TSLP: variants seen among roughly 807,000 people sequenced by gnomAD.
TSLP encodes thymic stroma-derived lymphopoietin.
In TSLP, 12 loss-of-function variants were observed where a neutral mutation model predicts 12.4. The observed-to-expected ratio is 0.97, with a 90% confidence interval of 0.62 to 1.57. The LOEUF (loss-of-function observed/expected upper bound fraction) is 1.57. Ranked by LOEUF, TSLP falls within the 40% of genes most tolerant of loss-of-function variation. The pLI, the probability that TSLP is intolerant of heterozygous loss-of-function variation, is 0.00. For missense variants in TSLP, 222 were observed against 189.6 expected, an observed-to-expected ratio of 1.17 and a Z score of -1.00; for synonymous variants, 97 against 69.5, an observed-to-expected ratio of 1.40 and a Z score of -1.97.
Position 111,071,939 on chromosome 5 carries a change from ATCT to A in TSLP, c.52_54del (p.Phe18del). The A allele has an allele frequency of 2.5e-6, 4 of 1,614,192 alleles. No individual in the cohort carries two copies. Among genetic ancestry groups the A allele is most frequent in the Non-Finnish European group, 3.4e-6 (4 of 1,180,032 alleles). On this transcript the variant is annotated inframe_deletion, in exon 1 of 4. Transcript: ENST00000344895. The stretch of plus-strand genomic sequence containing the variant: ...TGTTCTGTCAGTTTCTTTCAGGAAA[ATCT>A]TCATCTTACAACTTGTAGGGCTGGT...
In TSLP at chr5:111,076,162, A is replaced by G; in HGVS notation, c.*88A>G. 1 of 1,422,456 alleles carries G rather than the reference A, an allele frequency of 7.0e-7. No homozygotes were observed. Among genetic ancestry groups the G allele is most frequent in the African/African-American group, 1.4e-5 (1 of 69,544 alleles). 88.1% of individuals were successfully genotyped at this position (1,422,456 alleles called of 1,614,324 possible). On this transcript the variant is annotated 3_prime_UTR_variant, in exon 4 of 4. Transcript: ENST00000344895. The stretch of plus-strand genomic sequence containing the variant: ...AACATTAACTCTAACTGTGACAAAG[A>G]AGACCACAAATAGTTATCTTTTAAT...
upstream of TSLP, chr5:111,071,528 T>G: frequency 6.5e-7 from 1 of 1,548,252 alleles, no homozygotes; most frequent in Non-Finnish European, 8.7e-7. Flanking sequence ...GTGAGGGAAA[T>G]TCCTGATGAC....
intron 2 of TSLP, chr5:111,073,272 C>G: frequency 7.1e-7 from 1 of 1,412,280 alleles, no homozygotes; most frequent in African/African-American, 1.4e-5. Flanking sequence ...TTGGGAGGAG[C>G]GAGCGTGGGT....
intron 2 of TSLP, 39 bp from the exon 3 acceptor site, chr5:111,073,472 T>C (rs781547752): frequency 6.2e-7 from 1 of 1,613,110 alleles, no homozygotes; most frequent in South Asian, 1.1e-5. Flanking sequence ...CTCTCTGGTG[T>C]TTTCTCCTTT....
In TSLP at chr5:111,078,022, T is replaced by A. The variant is rs1419724780; in HGVS notation, c.*1948T>A. 3 of 152,600 alleles carry A rather than the reference T, an allele frequency of 2.0e-5. No individual in the cohort carries two copies. Among genetic ancestry groups the A allele is most frequent in the African/African-American group, 7.2e-5 (3 of 41,434 alleles). 9.5% of individuals were successfully genotyped at this position (152,600 alleles called of 1,614,324 possible). ...GGTCAATAAAAAGGAAGTTGCAAAT[T>A]GTGATTTAAGCATATAAAGTTGGTT... On this transcript the variant is annotated 3_prime_UTR_variant, in exon 4 of 4. Coordinates refer to ENST00000344895, the MANE Select transcript of TSLP (RefSeq NM_033035.5).
chr5:111,073,136 T>C (rs1752387812), intron 2 of TSLP, among the ~76,000 whole-genome samples: 1 of 152,114 alleles, frequency 6.6e-6, no homozygotes, highest in Non-Finnish European at 1.5e-5. Flanking sequence ...GGAGAGGAAG[T>C]CTCTATCCGG....
At chr5:111,071,667 C>T (rs1190735224), upstream of TSLP, 8 of 1,366,226 alleles carry the variant, frequency 5.9e-6, no homozygotes, top group Non-Finnish European at 7.8e-6. Context: ...GAAAAGAGCC[C>T]GTAGGCGTTT....
At position 111,071,776 on chromosome 5, in the gene TSLP, TGA is replaced by T; in HGVS notation, c.-111_-110del. 1.5e-6 allele frequency: 2 copies of T among 1,375,500 alleles called. No individual in the cohort carries two copies. The highest frequency in any genetic ancestry group is 2.0e-6 in the Non-Finnish European group (2 of 1,000,626). 85.2% of individuals were successfully genotyped at this position (1,375,500 alleles called of 1,614,324 possible). A position where few individuals can be genotyped will look rare whatever the true frequency, so the allele number is the denominator to read the frequency against. ...ATAAGGGCTTCCTGTGGACTGGCAA[TGA>T]GAGGCAAAACCTGGTGCTTGAGCAC... On this transcript the variant is annotated 5_prime_UTR_variant, in exon 1 of 4. It removes the in-frame stop codon of an upstream open reading frame in the 5' UTR. Coordinates refer to ENST00000344895, the MANE Select transcript of TSLP (RefSeq NM_033035.5).
chr5:111,070,409 C>G (rs1284325056), upstream of TSLP: 1 of 126,356 alleles, frequency 7.9e-6, no homozygotes, highest in Admixed American at 7.6e-5. Flanking sequence ...CACGCGAGGG[C>G]GGGGGGCGGG....
intron 2 of TSLP, chr5:111,073,225 G>T: frequency 7.5e-7 from 1 of 1,326,696 alleles, no homozygotes. Context: ...CTCCGCGCTC[G>T]GGCTCGGAAT....
chr5:111,073,779 T>C (rs1580376953), intron 3 of TSLP, 134 bp downstream of exon 3: 1 of 1,024,532 alleles, frequency 9.8e-7, no homozygotes, highest in Non-Finnish European at 1.4e-6. Context: ...CGGGTAAAAG[T>C]GGTAGGATGT....
At chr5:111,073,338 C>T (rs1165298503) in intron 2 of TSLP, 173 bp from the exon 3 acceptor site, 33 of 1,453,638 alleles carry the variant, frequency 2.3e-5, no homozygotes, top group Non-Finnish European at 2.9e-5. Context: ...CCTGCTCCCC[C>T]GCGGTTGGTT....
intron 2 of TSLP, 177 bp from the exon 3 acceptor site, chr5:111,073,334 C>T: frequency 4.1e-6 from 6 of 1,449,774 alleles, no homozygotes; most frequent in South Asian, 1.5e-5. Context: ...CGCCCCTGCT[C>T]CCCCGCGGTT....
chr5:111,072,685 T>C (rs1351573493), intron 1 of TSLP, among the ~76,000 whole-genome samples: 2 of 152,164 alleles, frequency 1.3e-5, no homozygotes, highest in Non-Finnish European at 2.9e-5. Flanking sequence ...CTCTGAGACC[T>C]GAACCTTTTG....
rs1041322758 is a variant in TSLP at position 111,076,251 on chromosome 5, A to C, written c.*177A>C. ...TTGTGTAAGTTTATAATGCAGGGGA[A>C]GTACTACTCCTCAAATGTTGAGGGA... On this transcript the variant is annotated 3_prime_UTR_variant, in exon 4 of 4. Transcript: ENST00000344895. 5.9e-6 allele frequency: 4 copies of C among 680,098 alleles called. No individual in the cohort carries two copies. Among genetic ancestry groups the C allele is most frequent in the Admixed American group, 3.2e-5 (1 of 31,048 alleles). 42.1% of individuals were successfully genotyped at this position (680,098 alleles called of 1,614,324 possible).
chr5:111,070,494 G>A (rs1752317062), upstream of TSLP: 1 of 152,576 alleles, frequency 6.6e-6, no homozygotes, highest in Non-Finnish European at 1.5e-5. Context: ...GAGGGCCCAG[G>A]GCCGCATGAG....
At position 111,072,948 on chromosome 5, in the gene TSLP, A is replaced by C; in HGVS notation, c.216+16A>C. ...TAGCAATCGGGTGAGTAGAGAGTTC[A>C]GTGCTGCTGGCTTTCTCCAGGGAGA... On this transcript the variant is annotated intron_variant, in intron 2 of 3. Coordinates refer to ENST00000344895, the MANE Select transcript of TSLP (RefSeq NM_033035.5). The C allele has an allele frequency of 2.5e-6, 4 of 1,614,152 alleles. No homozygotes were observed. In the East Asian group the frequency reaches 8.9e-5, roughly 36 times the overall value.
chr5:111,071,365 A>G, upstream of TSLP: 1 of 1,392,914 alleles, frequency 7.2e-7, no homozygotes, highest in South Asian at 1.5e-5. Context: ...AAGGACTCCA[A>G]ATCCTTACAG....
At chr5:111,072,161 GA>G (rs1440837367) in intron 1 of TSLP, 100 bp downstream of exon 1, 18 of 1,042,272 alleles carry the variant, frequency 1.7e-5, no homozygotes, top group Non-Finnish European at 2.3e-5. Context: ...AAATAATTTA[GA>G]AAAAATCATG....
Sources: gnomAD v4.1 joint callset for allele counts (sites outside exome capture counted in the v4.1 genomes callset) on GRCh38, gnomAD v4.1.1 for gene constraint, MANE v1.5 for transcripts, NCBI Gene and HGNC (gene_info 2026-07-23, HGNC 2026-07-21) for gene names.